Variants in GLRA3 observed in about 807,000 individuals in gnomAD.
The protein encoded by GLRA3 is glycine receptor alpha 3.
Under a neutral mutation model 60.4 loss-of-function variants are expected in GLRA3, and 44 were observed. The observed-to-expected ratio is 0.73, with a 90% confidence interval of 0.57 to 0.94. The LOEUF is 0.94. Among genes scored for constraint, GLRA3 ranks in the 40% least tolerant of loss-of-function variants. The pLI is 0.00. For synonymous variants in GLRA3, 223 were observed against 192.9 expected (o/e 1.16, Z -1.29); for missense variants, 508 against 564.6 (o/e 0.90, Z 1.02).
chr4:174,726,995 A>G (rs1172173044), intron 4 of GLRA3, among the ~76,000 whole-genome samples: 1 of 152,156 alleles, frequency 6.6e-6, no homozygotes, highest in African/African-American at 2.4e-5. Context: ...TTTGTGCCAT[A>G]TGTAGCAGTT....
At chr4:174,645,645 T>A (rs1732786220) in intron 9 of GLRA3, among the ~76,000 whole-genome samples, 1 of 152,094 alleles carries the variant, frequency 6.6e-6, no homozygotes, top group Non-Finnish European at 1.5e-5. Flanking sequence ...TTGGAAAATA[T>A]TTCAACTGTA....
chr4:174,789,533 G>T (rs957957436), intron 1 of GLRA3, among the ~76,000 whole-genome samples: 2 of 152,164 alleles, frequency 1.3e-5, no homozygotes, highest in African/African-American at 4.8e-5. Flanking sequence ...AAATTTGTGT[G>T]TCAAGATTGA....
At chr4:174,644,125 T>A in intron 9 of GLRA3, 61 bp from the exon 10 acceptor site, 4 of 933,460 alleles carry the variant, frequency 4.3e-6, no homozygotes, top group Non-Finnish European at 3.3e-6. Context: ...ATAACAGGCA[T>A]CTCAGAATCA....
chr4:174,774,795 G>T (rs909688055), intron 2 of GLRA3, among the ~76,000 whole-genome samples: 2 of 152,044 alleles, frequency 1.3e-5, no homozygotes, highest in Non-Finnish European at 1.5e-5. Flanking sequence ...GATGAAATTT[G>T]AATAAAGATC....
intron 2 of GLRA3, among the ~76,000 whole-genome samples, chr4:174,770,096 T>C (rs1738318512): frequency 1.3e-5 from 2 of 152,282 alleles, no homozygotes; most frequent in Middle Eastern, 6.8e-3. Context: ...TGGTTCATGA[T>C]TTTCATCTTA....
intron 3 of GLRA3, among the ~76,000 whole-genome samples, chr4:174,750,206 C>A (rs773276209): frequency 1.3e-5 from 2 of 152,138 alleles, no homozygotes; most frequent in South Asian, 4.2e-4. Context: ...GAGTGCTAGA[C>A]CATGGATTAT....
At chr4:174,748,152 T>C (rs1291033618) in intron 3 of GLRA3, among the ~76,000 whole-genome samples, 1 of 152,008 alleles carries the variant, frequency 6.6e-6, no homozygotes. Context: ...AGAAAGAAGA[T>C]AATAGTGCAA....
In GLRA3 at chr4:174,643,117, G is replaced by T; in HGVS notation, c.*669C>A. ...TCGTTCCTAGAGATACAAAGTTTAAGAAAAGTAGATTGTGACTGTAACACG... is the reference window on the plus strand; with the variant it reads ...TCGTTCCTAGAGATACAAAGTTTAATAAAAGTAGATTGTGACTGTAACACG... On this transcript the variant is annotated 3_prime_UTR_variant, in exon 10 of 10. Transcript: ENST00000274093. The T allele has an allele frequency of 1.1e-6, 1 of 914,956 alleles. No homozygotes were observed. Among genetic ancestry groups the T allele is most frequent in the Non-Finnish European group, 1.3e-6 (1 of 766,740 alleles). The allele number at this position is 914,956 out of a possible 1,614,324, so 56.7% of individuals were successfully genotyped here. A position where few individuals can be genotyped will look rare whatever the true frequency, so the allele number is the denominator to read the frequency against.
chr4:174,823,595 A>G (rs1455227789), intron 1 of GLRA3, among the ~76,000 whole-genome samples: 1 of 152,206 alleles, frequency 6.6e-6, no homozygotes, highest in African/African-American at 2.4e-5. Flanking sequence ...ATCCTGTGGA[A>G]AAGGGTAGGA....
rs1734162374 is a variant in GLRA3 at position 174,677,223 on chromosome 4, T to C, written c.782A>G (p.Tyr261Cys). The change falls in exon 7 of 10, where the codon TAC (tyrosine) becomes TGC (cysteine). Residue 261 changes from tyrosine to cysteine, a missense_variant. This residue lies in a region of GLRA3 where 329 missense variants were observed against 349.3 expected (regional missense o/e 0.94). Transcript: ENST00000274093. ...RQMGYYLIQM[Y>C]IPSLLIVILS... ...AATAACAATCAGGAGACTGGGAATG[T>C]ACATCTGGATCAGATAGTATCCCAT... is the stretch of plus-strand genomic sequence containing the variant. The C allele has an allele frequency of 1.2e-6, 2 of 1,612,364 alleles. No homozygotes were observed. The highest frequency in any genetic ancestry group is 1.7e-4 in the Middle Eastern group (1 of 6,054).
At chr4:174,679,321 A>C (rs1734248732) in intron 6 of GLRA3, among the ~76,000 whole-genome samples, 1 of 149,608 alleles carries the variant, frequency 6.7e-6, no homozygotes, top group Non-Finnish European at 1.5e-5. Context: ...ACTCCAACTC[A>C]AAAAAACAAA....
intron 3 of GLRA3, among the ~76,000 whole-genome samples, chr4:174,750,119 G>T (rs1205071412): frequency 6.6e-6 from 1 of 152,096 alleles, no homozygotes; most frequent in Admixed American, 6.6e-5. Flanking sequence ...CCAAGGAAGA[G>T]AAGTTTTGTA....
intron 4 of GLRA3, among the ~76,000 whole-genome samples, chr4:174,717,177 A>G (rs1457458750): frequency 6.7e-6 from 1 of 149,190 alleles, no homozygotes; most frequent in Non-Finnish European, 1.5e-5. Flanking sequence ...ACACTGCTGA[A>G]CTATAGCCTG....
chr4:174,661,993 C>T (rs1400948778), intron 7 of GLRA3, among the ~76,000 whole-genome samples: 3 of 152,160 alleles, frequency 2.0e-5, no homozygotes, highest in Non-Finnish European at 4.4e-5. Flanking sequence ...TGTTTTCATA[C>T]TCAGTTTAAT....
chr4:174,706,903 C>G (rs1281831888), intron 5 of GLRA3, among the ~76,000 whole-genome samples: 4 of 152,130 alleles, frequency 2.6e-5, no homozygotes, highest in Admixed American at 6.5e-5. Flanking sequence ...AAGATTATAT[C>G]TGTGAACAGG....
intron 6 of GLRA3, among the ~76,000 whole-genome samples, chr4:174,677,526 A>ATT (rs779270533): frequency 0.12 from 17,562 of 146,314 alleles, 1,357 homozygotes; most frequent in Middle Eastern, 0.2. Context: ...AGCCCGGCTA[A>ATT]TTTTTTTTTT....
At chr4:174,685,934 C>G (rs1460310628) in intron 5 of GLRA3, among the ~76,000 whole-genome samples, 2 of 152,136 alleles carry the variant, frequency 1.3e-5, no homozygotes, top group African/African-American at 2.4e-5. Context: ...AAATTTTTCT[C>G]AAGATATTCT....
intron 1 of GLRA3, among the ~76,000 whole-genome samples, chr4:174,793,530 G>A (rs368212372): frequency 3.3e-5 from 5 of 151,584 alleles, no homozygotes; most frequent in South Asian, 2.1e-4. Context: ...ACAGCTCCCC[G>A]CAACGTTGAA....
chr4:174,666,766 T>C (rs1163793860), intron 7 of GLRA3, among the ~76,000 whole-genome samples: 1 of 133,212 alleles, frequency 7.5e-6, no homozygotes. Context: ...ATATTATATA[T>C]ATATATATAT....
Sources: allele counts gnomAD v4.1 joint callset (sites outside exome capture counted in the v4.1 genomes callset), GRCh38; gene constraint gnomAD v4.1.1; regional missense constraint gnomAD v4.1.1; transcripts MANE v1.5; gene names NCBI Gene and HGNC (gene_info 2026-07-23, HGNC 2026-07-21).